The following AFAP1 variants were observed in gnomAD, a reference collection of about 807,000 sequenced individuals.
The protein encoded by AFAP1 is actin filament associated protein 1, also known as actin filament-associated protein 1.
Under a neutral mutation model 93.9 loss-of-function variants are expected in AFAP1, and 75 were observed. The ratio of observed to expected loss-of-function variants is 0.80; its 90% confidence interval spans 0.66 to 0.97. The LOEUF (loss-of-function observed/expected upper bound fraction) is 0.97, where lower values mean the gene tolerates loss of function less well. AFAP1 is among the 50% of genes least tolerant of loss of function. The probability of loss-of-function intolerance (pLI) is 0.00; values close to 1 mark genes in which losing one functional copy is unlikely to be tolerated. For missense variants in AFAP1, 1,201 were observed against 1,050.8 expected (o/e 1.14, Z -1.98); for synonymous variants, 517 against 430.7 (o/e 1.20, Z -2.48).
intron 1 of AFAP1, among the ~76,000 whole-genome samples, chr4:7,903,027 C>G (rs993537591): frequency 2.0e-5 from 3 of 152,222 alleles, no homozygotes; most frequent in Non-Finnish European, 4.4e-5. Flanking sequence ...TCTGCGCCAC[C>G]TCCCTCCAGG....
At chr4:7,844,420 T>A (rs1713443116) in intron 4 of AFAP1, among the ~76,000 whole-genome samples, 1 of 152,180 alleles carries the variant, frequency 6.6e-6, no homozygotes, top group South Asian at 2.1e-4. Context: ...CTGACGAGCT[T>A]CTGCTGTGGA....
chr4:7,889,703 T>TAAA (rs755652603), intron 1 of AFAP1, among the ~76,000 whole-genome samples: 135 of 77,406 alleles, frequency 1.7e-3, no homozygotes, highest in East Asian at 3.9e-3. Context: ...TTTTTTTTTT[T>TAAA]TAAAAAAAGA....
At chr4:7,842,984 C>T in intron 5 of AFAP1, 155 bp downstream of exon 5, 1 of 788,670 alleles carries the variant, frequency 1.3e-6, no homozygotes, top group Non-Finnish European at 2.0e-6. Flanking sequence ...ATGTGGGGGC[C>T]CCTGGCATGG....
At chr4:7,900,836 CAG>C (rs1400839675) in intron 1 of AFAP1, among the ~76,000 whole-genome samples, 1 of 152,168 alleles carries the variant, frequency 6.6e-6, no homozygotes, top group Non-Finnish European at 1.5e-5. Flanking sequence ...ATATAGGAAT[CAG>C]AGGAAGCACG....
At chr4:7,781,268 C>G in intron 13 of AFAP1, 108 bp downstream of exon 13, 1 of 1,349,170 alleles carries the variant, frequency 7.4e-7, no homozygotes, top group Non-Finnish European at 1.0e-6. Context: ...AAAAAAAACA[C>G]ATTATGCTTT....
In AFAP1 at chr4:7,861,426, T is replaced by C. The variant is rs199714135; in HGVS notation, c.226-5852A>G. 3.3e-4 allele frequency among the ~76,000 whole-genome samples: 51 copies of C among 152,344 alleles called. No individual in the cohort carries two copies. In the East Asian group the frequency reaches 7.1e-3, roughly 21 times the overall value. ...GTTTCAATCCTAACACTAAGAATTCTGAGTACATACTCTTCTTGGCAAAAT... is the reference window on the plus strand; with the variant it reads ...GTTTCAATCCTAACACTAAGAATTCCGAGTACATACTCTTCTTGGCAAAAT... On this transcript the variant is annotated intron_variant, in intron 3 of 17. Transcript: ENST00000420658.
At chr4:7,886,070 G>C (rs1271670461) in intron 1 of AFAP1, among the ~76,000 whole-genome samples, 3 of 152,176 alleles carry the variant, frequency 2.0e-5, no homozygotes, top group Non-Finnish European at 4.4e-5. Flanking sequence ...AGAAATCTCA[G>C]AAAAAGCAGC....
At chr4:7,899,071 G>A (rs1464183918) in intron 1 of AFAP1, among the ~76,000 whole-genome samples, 1 of 150,812 alleles carries the variant, frequency 6.6e-6, no homozygotes, top group Non-Finnish European at 1.5e-5. Context: ...TGTCCTTAAC[G>A]AGTTCTAAAC....
At chr4:7,770,220 AAGG>A (rs1176372809) in intron 16 of AFAP1, among the ~76,000 whole-genome samples, 3 of 152,190 alleles carry the variant, frequency 2.0e-5, no homozygotes, top group African/African-American at 7.2e-5. Context: ...ACTTGGGACA[AAGG>A]AGAAGCGAGG....
chr4:7,790,969 T>C (rs1253786436), intron 11 of AFAP1, among the ~76,000 whole-genome samples: 1 of 152,212 alleles, frequency 6.6e-6, no homozygotes, highest in Admixed American at 6.5e-5. Flanking sequence ...AGTCCTAAAA[T>C]GGGCCAAGTT....
intron 6 of AFAP1, among the ~76,000 whole-genome samples, chr4:7,826,437 G>A (rs565517487): frequency 1.1e-3 from 165 of 152,360 alleles, no homozygotes; most frequent in African/African-American, 3.7e-3. Context: ...TCCACAGCTG[G>A]AGACAGAGCA....
At chr4:7,830,049 G>C (rs1025730176) in intron 6 of AFAP1, among the ~76,000 whole-genome samples, 1 of 152,080 alleles carries the variant, frequency 6.6e-6, no homozygotes, top group African/African-American at 2.4e-5. Flanking sequence ...AATAAAGAAA[G>C]AGGAAGTGCT....
At chr4:7,783,935 T>C (rs1717022463) in intron 12 of AFAP1, among the ~76,000 whole-genome samples, 1 of 152,130 alleles carries the variant, frequency 6.6e-6, no homozygotes, top group South Asian at 2.1e-4. Flanking sequence ...ATGAGTGTGG[T>C]AACTGGAGTC....
At chr4:7,856,705 G>A (rs1463818023) in intron 3 of AFAP1, among the ~76,000 whole-genome samples, 3 of 152,162 alleles carry the variant, frequency 2.0e-5, no homozygotes, top group African/African-American at 7.2e-5. Context: ...AAATGTTCCT[G>A]ACGGCTCTAA....
rs1210467721 is a variant in AFAP1 at position 7,760,564 on chromosome 4, G to C, written c.*3201C>G. 1 of 152,316 alleles carries C rather than the reference G, an allele frequency of 6.6e-6. No individual in the cohort carries two copies. Among genetic ancestry groups the C allele is most frequent in the Non-Finnish European group, 1.5e-5 (1 of 68,090 alleles). 9.4% of individuals were successfully genotyped at this position (152,316 alleles called of 1,614,324 possible). A position where few individuals can be genotyped will look rare whatever the true frequency, so the allele number is the denominator to read the frequency against. On this transcript the variant is annotated 3_prime_UTR_variant, in exon 18 of 18. Coordinates refer to ENST00000420658, the MANE Select transcript of AFAP1 (RefSeq NM_001134647.2). ...ATGGGCCTTGCCCCAGTTCCCCGCAGATTCTGGGAAGAGGGAGCCATCGCC... is the reference window on the plus strand; with the variant it reads ...ATGGGCCTTGCCCCAGTTCCCCGCACATTCTGGGAAGAGGGAGCCATCGCC...
rs1199555545 is a variant in AFAP1 at position 7,868,696 on chromosome 4, G to C, written c.151C>G (p.Gln51Glu). ...SKGFDVKDHA[Q>E]KQETANSLPA... ...AGGCTGTTAGCGGTCTCCTGCTTCT[G>C]AGCATGGTCCTTCACATCAAAACCT... Residue 51 changes from glutamine (Q) to glutamate (E), a missense_variant, in exon 3 of 18, where the codon CAG becomes GAG. Transcript: ENST00000420658. 1.2e-6 allele frequency: 2 copies of C among 1,613,510 alleles called. No homozygotes were observed. Among genetic ancestry groups the C allele is most frequent in the Non-Finnish European group, 1.7e-6 (2 of 1,179,950 alleles).
At chr4:7,804,967 T>C (rs1438937116) in intron 9 of AFAP1, among the ~76,000 whole-genome samples, 1 of 152,154 alleles carries the variant, frequency 6.6e-6, no homozygotes, top group African/African-American at 2.4e-5. Flanking sequence ...CTCTTCGCAG[T>C]GTGTCCTCGA....
chr4:7,848,888 C>T (rs977326680), intron 4 of AFAP1, among the ~76,000 whole-genome samples: 6 of 152,166 alleles, frequency 3.9e-5, no homozygotes, highest in Non-Finnish European at 7.3e-5. Flanking sequence ...CTATTTTTAA[C>T]TGTAAAATGT....
chr4:7,813,839 T>G lies in AFAP1; in HGVS notation c.904+2179A>C, dbSNP rs578159723. On this transcript the variant is annotated intron_variant, in intron 8 of 17. Coordinates refer to ENST00000420658, the MANE Select transcript of AFAP1 (RefSeq NM_001134647.2). The stretch of plus-strand genomic sequence containing the variant: ...TCATAACAGTCCAGATTCTTTGAGC[T>G]CCAAGATTCTTAGTGGGCTGGATTG... Among the ~76,000 whole-genome samples, 9 of 152,294 alleles carry G rather than the reference T, an allele frequency of 5.9e-5. No homozygotes were observed. The South Asian group carries it at 1.9e-3, about 32-fold the overall frequency.
Sources: allele counts gnomAD v4.1 joint callset (sites outside exome capture counted in the v4.1 genomes callset), GRCh38; gene constraint gnomAD v4.1.1; transcripts MANE v1.5; gene names NCBI Gene and HGNC (gene_info 2026-07-23, HGNC 2026-07-21).